PPOX: variants seen among roughly 807,000 people sequenced by gnomAD.
PPOX encodes variegate porphyria.
In PPOX, 23 loss-of-function variants were observed where a neutral mutation model predicts 54.1. That is an observed-to-expected ratio of 0.43 (90% CI 0.31 to 0.60). The LOEUF is 0.60. Among genes scored for constraint, PPOX ranks in the 20% least tolerant of loss-of-function variants. PPOX has a pLI of 0.13. For synonymous variants in PPOX, 224 were observed against 236.1 expected (o/e 0.95, Z 0.47); for missense variants, 512 against 601.1 (o/e 0.85, Z 1.55).
downstream of PPOX, chr1:161,173,992 G>A (rs754732272): frequency 4.3e-6 from 7 of 1,613,962 alleles, no homozygotes; most frequent in African/African-American, 8.0e-5. Flanking sequence ...TCATCACGCA[G>A]GGCCTCTCGC....
downstream of PPOX, chr1:161,172,147 C>G (rs1484679241): frequency 2.5e-6 from 4 of 1,611,778 alleles, no homozygotes; most frequent in Non-Finnish European, 1.7e-6. Flanking sequence ...AATCTAGGGA[C>G]CTTTAGGATT....
chr1:161,166,139 C>A (rs1658804322), upstream of PPOX: 1 of 985,210 alleles, frequency 1.0e-6, no homozygotes, highest in Non-Finnish European at 1.2e-6. Context: ...GCTCCTGCGG[C>A]CTTCCCTCTA....
At chr1:161,170,321 T>TGGCCCCCCCCC in intron 9 of PPOX, 88 bp from the exon 10 acceptor site, 1 of 367,768 alleles carries the variant, frequency 2.7e-6, no homozygotes, top group Non-Finnish European at 5.3e-6. Context: ...TGAGACTCTG[T>TGGCCCCCCCCC]CCCCCCCACC....
downstream of PPOX, chr1:161,176,218 A>T: frequency 1.1e-6 from 1 of 885,852 alleles, no homozygotes; most frequent in Non-Finnish European, 1.7e-6. Context: ...ACAGGTGCAC[A>T]GTCACGCAAG....
chr1:161,172,111 C>T (rs773170451), downstream of PPOX: 6 of 1,612,680 alleles, frequency 3.7e-6, no homozygotes, highest in Non-Finnish European at 5.1e-6. Flanking sequence ...AGGTTGGAGA[C>T]TAAGACCCAG....
At chr1:161,174,036 G>A (rs1662487514), downstream of PPOX, 6 of 1,613,724 alleles carry the variant, frequency 3.7e-6, no homozygotes, top group Non-Finnish European at 1.7e-6. Flanking sequence ...CCTGTTAAAT[G>A]TTCCATTTCC....
At chr1:161,165,737 T>C (rs534665334), upstream of PPOX, 1 of 306,168 alleles carries the variant, frequency 3.3e-6, no homozygotes, top group South Asian at 7.0e-5. Flanking sequence ...TGTGCTTATT[T>C]GTATTTTTGC....
downstream of PPOX, chr1:161,175,255 G>A (rs770527410): frequency 6.3e-7 from 1 of 1,583,370 alleles, no homozygotes; most frequent in Non-Finnish European, 8.7e-7. Flanking sequence ...GCAAGTAGAG[G>A]GATCAGAGGG....
chr1:161,170,818 CAG>C (rs781666755), intron 11 of PPOX, 49 bp downstream of exon 11: 1 of 1,614,012 alleles, frequency 6.2e-7, no homozygotes, highest in Admixed American at 1.7e-5. Context: ...GCCTTGAAGA[CAG>C]AGACTGGAAC....
downstream of PPOX, chr1:161,173,914 A>C: frequency 6.2e-7 from 1 of 1,614,168 alleles, no homozygotes; most frequent in Non-Finnish European, 8.5e-7. Context: ...CGGGGGTCAC[A>C]CACATACAGA....
At chr1:161,174,957 GA>G, downstream of PPOX, 1 of 1,599,114 alleles carries the variant, frequency 6.3e-7, no homozygotes, top group South Asian at 1.1e-5. Flanking sequence ...TTCCTTAGAA[GA>G]AAGTCAGTCA....
downstream of PPOX, among the ~76,000 whole-genome samples, chr1:161,172,812 G>A (rs1442152688): frequency 6.6e-6 from 1 of 151,236 alleles, no homozygotes; most frequent in African/African-American, 2.4e-5. Flanking sequence ...AGGATCACTT[G>A]AGGCCAGGAG....
At chr1:161,170,973 TGAG>T (rs778180459) in intron 12 of PPOX, 24 bp downstream of exon 12, 9 of 1,614,130 alleles carry the variant, frequency 5.6e-6, no homozygotes, top group African/African-American at 1.3e-5. Flanking sequence ...ACAGCTGGGC[TGAG>T]GAGGGCCAAG....
At chr1:161,174,018 A>G, downstream of PPOX, 1 of 1,614,108 alleles carries the variant, frequency 6.2e-7, no homozygotes, top group Non-Finnish European at 8.5e-7. Flanking sequence ...AACGTTCAAC[A>G]GTTTTGCCCT....
chr1:161,172,426 C>T, downstream of PPOX: 8 of 1,096,624 alleles, frequency 7.3e-6, no homozygotes, highest in Non-Finnish European at 1.0e-5. Context: ...ACAACTATTA[C>T]TTAGTAGGCA....
upstream of PPOX, chr1:161,165,778 G>C: frequency 4.8e-6 from 1 of 207,736 alleles, no homozygotes. Flanking sequence ...GAGCCAAATT[G>C]GAGTCTTCTT....
upstream of PPOX, among the ~76,000 whole-genome samples, chr1:161,165,876 T>A (rs904133821): frequency 2.6e-5 from 4 of 151,872 alleles, no homozygotes; most frequent in Non-Finnish European, 5.9e-5. Context: ...CGGACCTGTG[T>A]CCCCCAGCAG....
chr1:161,172,683 C>CTTAG (rs5778197), downstream of PPOX, among the ~76,000 whole-genome samples: 51,682 of 151,528 alleles, frequency 0.34, 8,992 homozygotes, highest in East Asian at 0.43. Context: ...TGCTGAGAAT[C>CTTAG]TTAGAATAGT....
chr1:161,174,903 T>C, downstream of PPOX: 1 of 1,373,600 alleles, frequency 7.3e-7, no homozygotes, highest in Non-Finnish European at 1.0e-6. Flanking sequence ...AAAATTATTC[T>C]AGGGACCCAT....
Sources: allele counts gnomAD v4.1 joint callset (sites outside exome capture counted in the v4.1 genomes callset), GRCh38; gene constraint gnomAD v4.1.1; transcripts MANE v1.5; gene names NCBI Gene and HGNC (gene_info 2026-07-23, HGNC 2026-07-21).